The following AMDHD2 variants were observed in gnomAD, a reference collection of about 807,000 sequenced individuals.
AMDHD2 encodes the protein amidohydrolase domain containing 2.
A neutral mutation model predicts 41.8 loss-of-function variants in AMDHD2; 24 were observed. The ratio of observed to expected loss-of-function variants is 0.57; its 90% CI spans 0.42 to 0.81. The LOEUF is 0.81. Among genes scored for constraint, AMDHD2 ranks in the 30% least tolerant of loss-of-function variants. AMDHD2 has a pLI of 0.00. For synonymous variants in AMDHD2, 332 were observed against 255.5 expected (o/e 1.30, Z -2.85); for missense variants, 540 against 588.5 (o/e 0.92, Z 0.85).
At position 2,526,676 on chromosome 16, in the gene AMDHD2, G is replaced by A. The variant is rs375102393; in HGVS notation, c.361-885G>A. 1.1e-3 allele frequency among the ~76,000 whole-genome samples: 163 copies of A among 149,294 alleles called. 2 individuals carry two copies. Among genetic ancestry groups the A allele is most frequent in the Middle Eastern group, 3.4e-3 (1 of 292 alleles). On this transcript the variant is annotated intron_variant, in intron 3 of 10. Coordinates refer to ENST00000293971, the MANE Select transcript of AMDHD2 (RefSeq NM_001330449.2). ...CCGTTGGCCAGGCATGGTGGCTCAC[G>A]CCTGTAATCCCAGCACTTTGGGAGA...
intron 3 of AMDHD2, among the ~76,000 whole-genome samples, chr16:2,526,896 C>G (rs1187906260): frequency 6.6e-6 from 1 of 152,172 alleles, no homozygotes; most frequent in African/African-American, 2.4e-5. Flanking sequence ...TGCCATTGCA[C>G]TCCAGCCTGG....
intron 3 of AMDHD2, among the ~76,000 whole-genome samples, chr16:2,521,845 A>G (rs2065943370): frequency 1.5e-5 from 2 of 136,440 alleles, no homozygotes; most frequent in South Asian, 4.5e-4. Flanking sequence ...GTGCAGTGGC[A>G]CAATCTTGGC....
chr16:2,531,104 G>A lies in AMDHD2; in HGVS notation c.*1541G>A. 6.5e-7 allele frequency: 1 copy of A among 1,546,880 alleles called. No homozygotes were observed. Among genetic ancestry groups the A allele is most frequent in the East Asian group, 2.3e-5 (1 of 44,314 alleles). On this transcript the variant is annotated 3_prime_UTR_variant, in exon 11 of 11. Coordinates refer to ENST00000293971, the MANE Select transcript of AMDHD2 (RefSeq NM_001330449.2). ...GCTAAAACCCAGAGCTGGCATGTTG[G>A]TCATCCCCACCTCAGACGGGACGCC...
rs776167781 is a variant in AMDHD2 at position 2,530,484 on chromosome 16, GACGTCAGGGATTGGTGCAGCCCC to G, written c.*931_*953del. On this transcript the variant is annotated 3_prime_UTR_variant, in exon 11 of 11. Coordinates refer to ENST00000293971, the MANE Select transcript of AMDHD2 (RefSeq NM_001330449.2). ...TCTGAGGACAGCCACAGTGGGGTCAGACGTCAGGGATTGGTGCAGCCCCACGTCAGGGGTGATTGTCTTGACTT... is the reference window on the plus strand; with the variant it reads ...TCTGAGGACAGCCACAGTGGGGTCAGACGTCAGGGGTGATTGTCTTGACTT... 13 of 1,614,182 alleles carry G rather than the reference GACGTCAGGGATTGGTGCAGCCCC, an allele frequency of 8.1e-6. No homozygotes were observed. The East Asian group carries it at 2.7e-4, about 33-fold the overall frequency.
At chr16:2,525,241 A>G (rs1351151919) in intron 3 of AMDHD2, among the ~76,000 whole-genome samples, 2 of 151,804 alleles carry the variant, frequency 1.3e-5, no homozygotes, top group Non-Finnish European at 2.9e-5. Context: ...AATTTTTAGT[A>G]GAGATGGGCT....
In AMDHD2 at chr16:2,530,388, A is replaced by G. The variant is rs748239195; in HGVS notation, c.*825A>G. ...GTCCCCTTGGCCCTGGCACACACCC[A>G]TGTGGCAAACACGGGCCGTGAGGCT... On this transcript the variant is annotated 3_prime_UTR_variant, in exon 11 of 11. Coordinates refer to ENST00000293971, the MANE Select transcript of AMDHD2 (RefSeq NM_001330449.2). 1.2e-6 allele frequency: 2 copies of G among 1,614,128 alleles called. No individual in the cohort carries two copies. The highest frequency in any genetic ancestry group is 1.3e-5 in the African/African-American group (1 of 75,044).
At position 2,531,246 on chromosome 16, in the gene AMDHD2, C is replaced by A. The variant is rs1235397911; in HGVS notation, c.*1683C>A. 8 of 818,410 alleles carry A rather than the reference C, an allele frequency of 9.8e-6. No homozygotes were observed. Among genetic ancestry groups the A allele is most frequent in the Non-Finnish European group, 1.3e-5 (7 of 523,814 alleles). 50.7% of individuals were successfully genotyped at this position (818,410 alleles called of 1,614,324 possible). On this transcript the variant is annotated 3_prime_UTR_variant, in exon 11 of 11. Transcript: ENST00000293971. ...GGAGGGGCTGGCAGAGATGGTTGGT[C>A]CACAGGGCTAGCCCTGGGTGGTGGG...
Position 2,531,278 on chromosome 16 carries a change from G to GC in AMDHD2, c.*1718dup. The GC allele has an allele frequency of 1.6e-6, 1 of 625,070 alleles. No individual in the cohort carries two copies. The highest frequency in any genetic ancestry group is 2.8e-5 in the East Asian group (1 of 35,856). The allele number at this position is 625,070 out of a possible 1,614,324, so 38.7% of individuals were successfully genotyped here. A position where few individuals can be genotyped will look rare whatever the true frequency, so the allele number is the denominator to read the frequency against. On this transcript the variant is annotated 3_prime_UTR_variant, in exon 11 of 11. Transcript: ENST00000293971. ...GCTAGCCCTGGGTGGTGGGAGAGGG[G>GC]CCCAGGGTCAGGGTGAGAGAGAGCT...
At position 2,531,184 on chromosome 16, in the gene AMDHD2, A is replaced by G. The variant is rs1169756508; in HGVS notation, c.*1621A>G. The G allele has an allele frequency of 1.5e-6, 2 of 1,371,710 alleles. No individual in the cohort carries two copies. Among genetic ancestry groups the G allele is most frequent in the African/African-American group, 1.5e-5 (1 of 68,116 alleles). The allele number at this position is 1,371,710 out of a possible 1,614,324, so 85.0% of individuals were successfully genotyped here. A position where few individuals can be genotyped will look rare whatever the true frequency, so the allele number is the denominator to read the frequency against. On this transcript the variant is annotated 3_prime_UTR_variant, in exon 11 of 11. Transcript: ENST00000293971. The stretch of plus-strand genomic sequence containing the variant: ...CCTTTGGGCCTGGCCTGCCCCATTC[A>G]CCGGCCAGCGCCCCACCTCCCTGGC...
chr16:2,524,411 C>G (rs2065978161), intron 3 of AMDHD2, among the ~76,000 whole-genome samples: 1 of 152,202 alleles, frequency 6.6e-6, no homozygotes, highest in South Asian at 2.1e-4. Context: ...CAGGCCCCTG[C>G]CTCTGGCCCC....
At chr16:2,526,135 G>C (rs181654631) in intron 3 of AMDHD2, among the ~76,000 whole-genome samples, 3 of 151,810 alleles carry the variant, frequency 2.0e-5, no homozygotes, top group Non-Finnish European at 4.4e-5. Context: ...GCTCCTTTTC[G>C]AGGCTTGCCC....
rs531408857 is a variant in AMDHD2 at position 2,520,384 on chromosome 16, G to A, written c.-75G>A. ...CACGTGGGCGCGGTCTCAGCTCTCGGCTGGGGTTCGTCACTGGGCGCGGGA... is the reference window on the plus strand; with the variant it reads ...CACGTGGGCGCGGTCTCAGCTCTCGACTGGGGTTCGTCACTGGGCGCGGGA... On this transcript the variant is annotated 5_prime_UTR_variant, in exon 1 of 11. Coordinates refer to ENST00000293971, the MANE Select transcript of AMDHD2 (RefSeq NM_001330449.2). 3.1e-4 allele frequency: 366 copies of A among 1,168,452 alleles called. 4 individuals are homozygous for A. In the Middle Eastern group the frequency reaches 3.9e-3, roughly 13 times the overall value. 72.4% of individuals were successfully genotyped at this position (1,168,452 alleles called of 1,614,324 possible). A position where few individuals can be genotyped will look rare whatever the true frequency, so the allele number is the denominator to read the frequency against.
Position 2,527,646 on chromosome 16 carries a change from C to A in AMDHD2, c.415+31C>A. The stretch of plus-strand genomic sequence containing the variant: ...TGGCTGACCTCCTCCCCGCCCCCAC[C>A]CTGGGAGGCTCCTGCGGGACCTGTT... On this transcript the variant is annotated intron_variant, in intron 4 of 10. Transcript: ENST00000293971. This position sits in a 1 kb window ranked among gnomAD's most constrained non-coding sequence, Gnocchi z 6.1. 1 of 1,597,920 alleles carries A rather than the reference C, an allele frequency of 6.3e-7. No individual in the cohort carries two copies. The highest frequency in any genetic ancestry group is 8.5e-7 in the Non-Finnish European group (1 of 1,172,740).
At chr16:2,529,357 C>A in intron 10 of AMDHD2, 118 bp from the exon 11 acceptor site, 1 of 1,483,554 alleles carries the variant, frequency 6.7e-7, no homozygotes, top group Non-Finnish European at 9.2e-7. Flanking sequence ...GGGTGTCTTG[C>A]ACTAGTCGTG....
intron 3 of AMDHD2, among the ~76,000 whole-genome samples, chr16:2,526,459 C>T (rs933639362): frequency 3.3e-5 from 5 of 152,278 alleles, no homozygotes; most frequent in East Asian, 3.9e-4. Flanking sequence ...GGCACTCTTC[C>T]GTTGGTCCCC....
In AMDHD2 at chr16:2,525,512, G is replaced by C. The variant is rs186528509; in HGVS notation, c.361-2049G>C. Reference sequence around the variant, plus strand: ...CTCCTGAGTAGCTGGGACTACAGGCGTGTGCCACTATGCCTGGCTAATTTA... The same window carrying C: ...CTCCTGAGTAGCTGGGACTACAGGCCTGTGCCACTATGCCTGGCTAATTTA... On this transcript the variant is annotated intron_variant, in intron 3 of 10. Transcript: ENST00000293971. 6.4e-3 allele frequency among the ~76,000 whole-genome samples: 971 copies of C among 151,964 alleles called. 4 individuals carry two copies. Among genetic ancestry groups the C allele is most frequent in the Non-Finnish European group, 0.01 (689 of 67,986 alleles).
chr16:2,522,118 C>T (rs1421981430), intron 3 of AMDHD2, among the ~76,000 whole-genome samples: 1 of 152,056 alleles, frequency 6.6e-6, no homozygotes, highest in African/African-American at 2.4e-5. Flanking sequence ...GGGTTTCTCT[C>T]TGTGGCCCAG....
rs753486876 is a variant in AMDHD2, at chr16:2,531,045, T to G, written c.*1482T>G. 1 of 1,597,718 alleles carries G rather than the reference T, an allele frequency of 6.3e-7. No individual in the cohort carries two copies. The highest frequency in any genetic ancestry group is 1.3e-5 in the African/African-American group (1 of 74,594). Reference sequence around the variant, plus strand: ...GGTTGAGCATCGCCTGTGCCCAGCTTGCTGGCTGTCAGTGCTTGATGTGCC... The same window carrying G: ...GGTTGAGCATCGCCTGTGCCCAGCTGGCTGGCTGTCAGTGCTTGATGTGCC... On this transcript the variant is annotated 3_prime_UTR_variant, in exon 11 of 11. Transcript: ENST00000293971.
At chr16:2,520,599 C>A (rs2065920408) in intron 1 of AMDHD2, 58 bp downstream of exon 1, 1 of 1,165,856 alleles carries the variant, frequency 8.6e-7, no homozygotes, top group Non-Finnish European at 1.1e-6. Flanking sequence ...GGGTGCGGGG[C>A]CGGGGACCGG....
Sources: allele counts gnomAD v4.1 joint callset (sites outside exome capture counted in the v4.1 genomes callset), GRCh38; gene constraint gnomAD v4.1.1; non-coding constraint Gnocchi (gnomAD v3.1); transcripts MANE v1.5; gene names NCBI Gene and HGNC (gene_info 2026-07-23, HGNC 2026-07-21).